Variants in CBR4 observed in about 807,000 individuals in gnomAD.
CBR4 encodes carbonyl reductase 4.
Under a neutral mutation model 21.0 loss-of-function variants are expected in CBR4, and 22 were observed. That is an observed-to-expected ratio of 1.05 (90% CI 0.75 to 1.50). The LOEUF (loss-of-function observed/expected upper bound fraction) is 1.50. CBR4 is among the 40% of genes most tolerant of loss of function. The probability of loss-of-function intolerance (pLI) is 0.00; values close to 1 mark genes in which losing one functional copy is unlikely to be tolerated. For synonymous variants in CBR4, 100 were observed against 104.4 expected, an observed-to-expected ratio of 0.96 and a Z score of 0.26; for missense variants, 302 against 286.3, an observed-to-expected ratio of 1.05 and a Z score of -0.40.
At chr4:168,906,024 A>G (rs1757730492) in intron 2 of CBR4, among the ~76,000 whole-genome samples, 1 of 151,894 alleles carries the variant, frequency 6.6e-6, no homozygotes, top group African/African-American at 2.4e-5. Flanking sequence ...TTTTCAGTGC[A>G]TTTCCTTGAC....
At chr4:168,907,286 G>A (rs1337163132) in intron 2 of CBR4, among the ~76,000 whole-genome samples, 1 of 152,174 alleles carries the variant, frequency 6.6e-6, no homozygotes, top group Admixed American at 6.5e-5. Context: ...AGAAGCCTGT[G>A]GAACCAGATG....
intron 2 of CBR4, among the ~76,000 whole-genome samples, chr4:168,913,351 C>T (rs753802321): frequency 5.9e-5 from 9 of 151,998 alleles, no homozygotes; most frequent in South Asian, 2.1e-4. Flanking sequence ...ATTGGCCAGG[C>T]TGGGCTCGAA....
At chr4:169,006,703 TTATGG>T in intron 3 of CBR4, 47 bp downstream of exon 3, 1 of 1,448,758 alleles carries the variant, frequency 6.9e-7, no homozygotes, top group Non-Finnish European at 9.5e-7. Context: ...TTAAATATTT[TTATGG>T]TATGGTATTA....
chr4:168,946,783 G>A (rs1333744586), intron 2 of CBR4, among the ~76,000 whole-genome samples: 1 of 152,158 alleles, frequency 6.6e-6, no homozygotes, highest in East Asian at 1.9e-4. Flanking sequence ...CATTTTTTAA[G>A]CATGTAAAAT....
At position 168,962,617 on chromosome 4, in the gene CBR4, A is replaced by C. The variant is rs558051729; in HGVS notation, n.169+39454T>G. On this transcript the variant is annotated intron_variant and non_coding_transcript_variant, in intron 2 of 3. Coordinates refer to the CBR4 transcript ENST00000509108. ...CATTTTGTACATGTTGGATTTGAGG[A>C]ATCTGTAGGATATTCAAGAAAAATA... Among the ~76,000 whole-genome samples the C allele has an allele frequency of 1.1e-4, 16 of 152,342 alleles. No homozygotes were observed. The South Asian group carries it at 3.3e-3, about 32-fold the overall frequency.
rs1010386583 is a variant in CBR4 at position 168,897,515 on chromosome 4, C to T, written n.170-2750G>A. On this transcript the variant is annotated intron_variant and non_coding_transcript_variant, in intron 2 of 3. Transcript: ENST00000509108. ...AGGCTTGAGTGCAGTGGCACAATCA[C>T]GGCCCACTGCAGCCTCGACTTCCCA... Among the ~76,000 whole-genome samples, 8 of 152,162 alleles carry T rather than the reference C, an allele frequency of 5.3e-5. 1 individual carries two copies. In the East Asian group the frequency reaches 9.6e-4, roughly 18 times the overall value.
rs1764748205 is a variant in CBR4, at chr4:168,987,952, C to A, written c.*2198G>T. ...TTAATACATTGGCTTTACCTATAAA[C>A]CTTATTTTGTTAATGCTAAGCACAG... On this transcript the variant is annotated 3_prime_UTR_variant, in exon 5 of 5. Coordinates refer to ENST00000306193, the MANE Select transcript of CBR4 (RefSeq NM_032783.5). The A allele has an allele frequency of 1.0e-6, 1 of 985,104 alleles. No homozygotes were observed. Among genetic ancestry groups the A allele is most frequent in the African/African-American group, 1.7e-5 (1 of 57,210 alleles). The allele number at this position is 985,104 out of a possible 1,614,324, so 61.0% of individuals were successfully genotyped here.
intron 4 of CBR4, among the ~76,000 whole-genome samples, chr4:168,994,205 G>T (rs1326492941): frequency 6.6e-6 from 1 of 152,216 alleles, no homozygotes; most frequent in Non-Finnish European, 1.5e-5. Flanking sequence ...CAAAGGGATG[G>T]GCCGAAATAA....
chr4:168,967,827 T>C (rs1317989665), intron 2 of CBR4, among the ~76,000 whole-genome samples: 3 of 152,154 alleles, frequency 2.0e-5, no homozygotes, highest in Non-Finnish European at 4.4e-5. Context: ...AGAATAATAA[T>C]AGACACATTT....
chr4:168,999,290 G>A (rs1285421004), intron 4 of CBR4, among the ~76,000 whole-genome samples: 3 of 152,092 alleles, frequency 2.0e-5, no homozygotes, highest in Non-Finnish European at 2.9e-5. Context: ...TGACATAAAA[G>A]GACACATATT....
At chr4:168,917,530 CCT>C (rs990694206) in intron 2 of CBR4, among the ~76,000 whole-genome samples, 11 of 151,970 alleles carry the variant, frequency 7.2e-5, no homozygotes, top group Admixed American at 2.6e-4. Flanking sequence ...TTTTTTGCCC[CCT>C]GTTTACTGAT....
intron 2 of CBR4, among the ~76,000 whole-genome samples, chr4:168,910,425 T>C (rs1031235611): frequency 6.6e-6 from 1 of 152,136 alleles, no homozygotes; most frequent in African/African-American, 2.4e-5. Context: ...CCACATAGTC[T>C]GCCTCCTGTG....
chr4:168,956,105 GAACA>G (rs1051231479), intron 2 of CBR4, among the ~76,000 whole-genome samples: 4 of 152,132 alleles, frequency 2.6e-5, no homozygotes, highest in East Asian at 1.9e-4. Flanking sequence ...AACATTTTGT[GAACA>G]AACCAGAAAT....
At position 168,993,279 on chromosome 4, in the gene CBR4, A is replaced by ACCC. The variant is rs1765015301; in HGVS notation, c.536-2952_536-2951insGGG. Among the ~76,000 whole-genome samples the ACCC allele has an allele frequency of 3.3e-5, 5 of 150,298 alleles. No homozygotes were observed. In the East Asian group the frequency reaches 7.8e-4, roughly 23 times the overall value. On this transcript the variant is annotated intron_variant, in intron 4 of 4. Coordinates refer to ENST00000306193, the MANE Select transcript of CBR4 (RefSeq NM_032783.5). ...AGGCTGGAATGCAGTGGTGCGATCT[A>ACCC]GGCTCACCGCAACCTCCGCCTCCTG...
chr4:168,903,664 A>G (rs1757023602), intron 2 of CBR4: 1 of 1,019,238 alleles, frequency 9.8e-7, no homozygotes, highest in Non-Finnish European at 1.6e-6. Flanking sequence ...AACTCAGATC[A>G]GCTCTGCAAA....
chr4:168,918,783 C>T (rs1760795982), intron 2 of CBR4, among the ~76,000 whole-genome samples: 1 of 152,114 alleles, frequency 6.6e-6, no homozygotes, highest in African/African-American at 2.4e-5. Flanking sequence ...GAATTACATA[C>T]AATTTTTATC....
chr4:168,900,052 A>C (rs961821492), intron 2 of CBR4, among the ~76,000 whole-genome samples: 16 of 152,200 alleles, frequency 1.1e-4, no homozygotes, highest in African/African-American at 3.4e-4. Flanking sequence ...AAGGCGAAAA[A>C]GGTGAATCAC....
At chr4:168,970,988 T>C (rs1257859945) in intron 2 of CBR4, among the ~76,000 whole-genome samples, 2 of 152,190 alleles carry the variant, frequency 1.3e-5, no homozygotes, top group Non-Finnish European at 1.5e-5. Flanking sequence ...TCTGGGTAGA[T>C]ACCCAGGAGC....
intron 2 of CBR4, among the ~76,000 whole-genome samples, chr4:168,977,837 A>T (rs775535209): frequency 2.6e-5 from 4 of 152,166 alleles, no homozygotes; most frequent in Admixed American, 6.5e-5. Flanking sequence ...GTTCATCACA[A>T]AGTATTGTTG....
Sources: allele counts gnomAD v4.1 joint callset (sites outside exome capture counted in the v4.1 genomes callset), GRCh38; gene constraint gnomAD v4.1.1; transcripts MANE v1.5; gene names NCBI Gene and HGNC (gene_info 2026-07-23, HGNC 2026-07-21).